DCC: variants seen among roughly 807,000 people sequenced by gnomAD.
DCC encodes the protein netrin receptor DCC.
Under a neutral mutation model 172.5 loss-of-function variants are expected in DCC, and 58 were observed. The observed-to-expected ratio is 0.34, with a 90% CI of 0.27 to 0.42. The LOEUF (loss-of-function observed/expected upper bound fraction) is 0.42. Among genes scored for constraint, DCC ranks in the 10% least tolerant of loss-of-function variants. The pLI, the probability that DCC is intolerant of heterozygous loss-of-function variation, is 1.00. For synonymous variants in DCC, 709 were observed against 644.5 expected (o/e 1.10, Z -1.52); for missense variants, 1,740 against 1,791.0 (o/e 0.97, Z 0.51).
At chr18:52,980,434 G>A (rs929246047) in intron 5 of DCC, among the ~76,000 whole-genome samples, 1 of 152,004 alleles carries the variant, frequency 6.6e-6, no homozygotes, top group African/African-American at 2.4e-5. Context: ...GACAGTTATA[G>A]TCAGGTCTAA....
chr18:52,836,040 T>C (rs2038698704), intron 2 of DCC, among the ~76,000 whole-genome samples: 1 of 151,124 alleles, frequency 6.6e-6, no homozygotes, highest in Admixed American at 6.6e-5. Context: ...AACATGTCCT[T>C]CTTCACATGG....
At chr18:52,664,300 G>C (rs550910107) in intron 1 of DCC, among the ~76,000 whole-genome samples, 69 of 152,180 alleles carry the variant, frequency 4.5e-4, no homozygotes, top group African/African-American at 1.6e-3. Flanking sequence ...ATTAAGTTTA[G>C]GGAGCTAGTC....
chr18:52,996,277 A>T (rs934818471), intron 5 of DCC, among the ~76,000 whole-genome samples: 1 of 151,886 alleles, frequency 6.6e-6, no homozygotes, highest in African/African-American at 2.4e-5. Flanking sequence ...TTATATTCTA[A>T]TTATATTGTT....
At chr18:52,576,190 G>A (rs1408919636) in intron 1 of DCC, among the ~76,000 whole-genome samples, 1 of 152,178 alleles carries the variant, frequency 6.6e-6, no homozygotes. Context: ...TTTGCTAGAC[G>A]CCATTACAGA....
intron 7 of DCC, among the ~76,000 whole-genome samples, chr18:53,132,941 C>T: frequency 6.6e-6 from 1 of 152,312 alleles, no homozygotes; most frequent in East Asian, 1.9e-4. Context: ...AGTGCCTGCA[C>T]CACTGTGGTG....
chr18:52,366,369 G>A (rs1215456530), intron 1 of DCC, among the ~76,000 whole-genome samples: 2 of 152,154 alleles, frequency 1.3e-5, no homozygotes, highest in South Asian at 2.1e-4. Flanking sequence ...GGACCCGAGC[G>A]GGTTGCCAAT....
chr18:52,462,227 A>G (rs767479661), intron 1 of DCC, among the ~76,000 whole-genome samples: 1 of 152,084 alleles, frequency 6.6e-6, no homozygotes, highest in Non-Finnish European at 1.5e-5. Flanking sequence ...TTGGCCCACT[A>G]CATCATACAC....
At chr18:52,989,868 G>T (rs1265472711) in intron 5 of DCC, among the ~76,000 whole-genome samples, 1 of 152,164 alleles carries the variant, frequency 6.6e-6, no homozygotes, top group African/African-American at 2.4e-5. Context: ...AGAGATGGGG[G>T]CTATGGCTAC....
intron 2 of DCC, among the ~76,000 whole-genome samples, chr18:52,866,235 C>G (rs935796152): frequency 2.0e-5 from 3 of 152,152 alleles, no homozygotes; most frequent in Admixed American, 2.0e-4. Flanking sequence ...GGCCAGTGTT[C>G]TGTTCCATTG....
chr18:53,088,098 T>C (rs1446033434), intron 7 of DCC, among the ~76,000 whole-genome samples: 4 of 152,170 alleles, frequency 2.6e-5, no homozygotes, highest in Admixed American at 1.3e-4. Flanking sequence ...TCTTTTTTGG[T>C]TCCATATGAA....
intron 5 of DCC, among the ~76,000 whole-genome samples, chr18:53,021,910 G>T (rs1310770197): frequency 6.6e-6 from 1 of 152,122 alleles, no homozygotes; most frequent in Non-Finnish European, 1.5e-5. Flanking sequence ...AAAAGTTCTG[G>T]TTTCACCTAC....
At chr18:53,046,136 G>A (rs879457289) in intron 5 of DCC, among the ~76,000 whole-genome samples, 4 of 151,840 alleles carry the variant, frequency 2.6e-5, no homozygotes, top group Non-Finnish European at 5.9e-5. Flanking sequence ...CTCAAAGCTG[G>A]AATATAATCG....
intron 2 of DCC, among the ~76,000 whole-genome samples, chr18:52,785,743 T>G (rs1016950863): frequency 6.6e-5 from 10 of 152,094 alleles, no homozygotes; most frequent in Non-Finnish European, 7.4e-5. Context: ...GCATTGGATT[T>G]GGGTGGCTAG....
chr18:52,675,737 T>C (rs923212436), intron 1 of DCC, among the ~76,000 whole-genome samples: 19 of 152,214 alleles, frequency 1.2e-4, no homozygotes, highest in African/African-American at 4.3e-4. Flanking sequence ...ACTCACAACT[T>C]GCATATTTTA....
At chr18:53,465,570 T>A (rs936129969) in intron 24 of DCC, among the ~76,000 whole-genome samples, 8 of 152,158 alleles carry the variant, frequency 5.3e-5, no homozygotes, top group African/African-American at 1.9e-4. Flanking sequence ...TTTCTTTGGT[T>A]TTATCCTGTT....
At chr18:53,344,886 G>GA (rs201958177) in intron 15 of DCC, among the ~76,000 whole-genome samples, 43,323 of 132,434 alleles carry the variant, frequency 0.33, 8,090 homozygotes, top group Non-Finnish European at 0.45. Flanking sequence ...CTCTGTCTTG[G>GA]AAAAAAAAAA....
chr18:52,574,904 CA>C (rs977902891), intron 1 of DCC, among the ~76,000 whole-genome samples: 45 of 152,056 alleles, frequency 3.0e-4, no homozygotes, highest in African/African-American at 1.0e-3. Context: ...GCAAATTTAA[CA>C]CCTGTTTAGA....
rs139471564 is a variant in DCC at position 53,044,632 on chromosome 18, G to A, written c.986-18673G>A. 1.6e-3 allele frequency among the ~76,000 whole-genome samples: 236 copies of A among 151,924 alleles called. 1 individual carries two copies. The highest frequency in any genetic ancestry group is 9.9e-4 in the Non-Finnish European group (67 of 67,840). On this transcript the variant is annotated intron_variant, in intron 5 of 28. Transcript: ENST00000442544. ...ACTTAAGTAGGGTTCTCTTCTCAAA[G>A]TACTTACAGCCTACATTTCTGCCCC...
At chr18:53,226,180 A>C (rs1179311206) in intron 12 of DCC, among the ~76,000 whole-genome samples, 1 of 152,162 alleles carries the variant, frequency 6.6e-6, no homozygotes, top group East Asian at 1.9e-4. Flanking sequence ...ATAGGGCCCA[A>C]TGCTAAGGGA....
Sources: allele counts gnomAD v4.1 joint callset (sites outside exome capture counted in the v4.1 genomes callset), GRCh38; gene constraint gnomAD v4.1.1; transcripts MANE v1.5; gene names NCBI Gene and HGNC (gene_info 2026-07-23, HGNC 2026-07-21).